Variants in MINAR2 observed in about 807,000 individuals in gnomAD.
The protein encoded by MINAR2 is major intrinsically disordered NOTCH2-binding receptor 1-like.
Under a neutral mutation model 16.1 loss-of-function variants are expected in MINAR2, and 21 were observed. The observed-to-expected ratio is 1.31, with a 90% CI of 0.93 to 1.88. MINAR2 has a LOEUF of 1.88. Among genes scored for constraint, MINAR2 ranks in the 40% most tolerant of loss-of-function variants. MINAR2 has a pLI of 0.00. For missense variants in MINAR2, 259 were observed against 229.8 expected (o/e 1.13, Z -0.82); for synonymous variants, 86 against 83.0 (o/e 1.04, Z -0.20).
intron 2 of MINAR2, chr5:129,762,532 T>C: frequency 3.1e-6 from 1 of 322,184 alleles, no homozygotes; most frequent in Non-Finnish European, 6.2e-6. Context: ...TTCTCCGTCC[T>C]AGGAAATTGC....
At chr5:129,760,685 T>A in intron 2 of MINAR2, 80 bp downstream of exon 2, 1 of 1,081,332 alleles carries the variant, frequency 9.2e-7, no homozygotes, top group Non-Finnish European at 1.3e-6. Flanking sequence ...AATATTGAAG[T>A]GACAGGTACT....
In MINAR2 at chr5:129,766,632, C is replaced by CAAAAA. The variant is rs1385603703; in HGVS notation, c.*1570_*1571insAAAAA. ...AGCCTGGGTGACAGAGTGAGACTTCCATAAAAAAAAAAAAAAAAAAAAAAC... is the reference window on the plus strand; with the variant it reads ...AGCCTGGGTGACAGAGTGAGACTTCCAAAAAATAAAAAAAAAAAAAAAAAAAAAAC... On this transcript the variant is annotated 3_prime_UTR_variant, in exon 3 of 3. Coordinates refer to ENST00000564719, the MANE Select transcript of MINAR2 (RefSeq NM_001257308.2). The CAAAAA allele has an allele frequency of 5.9e-5, 1 of 16,994 alleles. No homozygotes were observed. The highest frequency in any genetic ancestry group is 3.1e-4 in the African/African-American group (1 of 3,184). The allele number at this position is 16,994 out of a possible 1,614,324, so 1.1% of individuals were successfully genotyped here.
chr5:129,761,430 T>C (rs1293311016), intron 2 of MINAR2, among the ~76,000 whole-genome samples: 1 of 150,876 alleles, frequency 6.6e-6, no homozygotes, highest in Non-Finnish European at 1.5e-5. Flanking sequence ...ATTTTTTTCT[T>C]TTTTTTTTAA....
intron 2 of MINAR2, chr5:129,762,645 C>T (rs1581293939): frequency 1.0e-5 from 3 of 290,644 alleles, no homozygotes; most frequent in Middle Eastern, 4.4e-4. Flanking sequence ...TTATTACTTC[C>T]GTGCTTCTTT....
intron 1 of MINAR2, among the ~76,000 whole-genome samples, chr5:129,755,528 T>TA (rs1252906473): frequency 2.0e-5 from 3 of 151,594 alleles, no homozygotes; most frequent in Non-Finnish European, 4.4e-5. Context: ...TTTGTTAATT[T>TA]TTTTTTTAGT....
At chr5:129,758,731 T>C (rs931708014) in intron 1 of MINAR2, among the ~76,000 whole-genome samples, 3 of 151,956 alleles carry the variant, frequency 2.0e-5, no homozygotes, top group Admixed American at 2.0e-4. Context: ...TGATCAAAGA[T>C]GCCTAGCCTT....
chr5:129,753,753 AAGAGAGAG>A lies in MINAR2; in HGVS notation c.165+5409_165+5416del, dbSNP rs150136899. Among the ~76,000 whole-genome samples the A allele has an allele frequency of 1.9e-4, 29 of 149,186 alleles. No homozygotes were observed. The South Asian group carries it at 6.0e-3, about 31-fold the overall frequency. ...GGGCAACAGGGTGGGACTCCGTTGAAAGAGAGAGAGAGAGAGAGTGAGAGCGTCAGAGA... is the reference window on the plus strand; with the variant it reads ...GGGCAACAGGGTGGGACTCCGTTGAAAGAGAGAGAGTGAGAGCGTCAGAGA... On this transcript the variant is annotated intron_variant, in intron 1 of 2. Transcript: ENST00000564719.
intron 1 of MINAR2, among the ~76,000 whole-genome samples, chr5:129,751,375 ATTT>A (rs1004559716): frequency 6.6e-6 from 1 of 151,904 alleles, no homozygotes; most frequent in Non-Finnish European, 1.5e-5. Context: ...TGCCCAGCTA[ATTT>A]TTGTATTTTT....
intron 1 of MINAR2, among the ~76,000 whole-genome samples, chr5:129,752,064 A>G (rs1450924333): frequency 6.6e-6 from 1 of 152,224 alleles, no homozygotes; most frequent in African/African-American, 2.4e-5. Context: ...TTAAAAAGTC[A>G]GGAAGCAACA....
intron 1 of MINAR2, among the ~76,000 whole-genome samples, chr5:129,759,216 A>G (rs1412226486): frequency 6.6e-6 from 1 of 152,140 alleles, no homozygotes; most frequent in African/African-American, 2.4e-5. Flanking sequence ...TAAAATTCCT[A>G]TTAAATATTC....
chr5:129,760,566 C>G lies in MINAR2; in HGVS notation c.354C>G (p.Asp118Glu), dbSNP rs560593892. ...CCTCATGGACCATTGAGGAATATGA[C>G]AAACATTCCCTGCACACAAACCTCT... ...KNPSWTIEEY[D>E]KHSLHTNLSG... The change falls in exon 2 of 3, where the codon GAC becomes GAG. Residue 118 changes from aspartate (D) to glutamate (E), a missense_variant. Asp to Glu is a conservative substitution (Grantham distance 45). Transcript: ENST00000564719. 47 of 1,535,460 alleles carry G rather than the reference C, an allele frequency of 3.1e-5. 1 individual carries two copies. The East Asian group carries it at 1.1e-3, about 37-fold the overall frequency.
intron 1 of MINAR2, among the ~76,000 whole-genome samples, chr5:129,759,249 A>T (rs1758094032): frequency 2.0e-5 from 3 of 152,152 alleles, no homozygotes; most frequent in Admixed American, 2.0e-4. Context: ...AAAATACATG[A>T]CATACATTTA....
rs1388050191 is a variant in MINAR2 at position 129,760,496 on chromosome 5, G to C, written c.284G>C (p.Gly95Ala). The C allele has an allele frequency of 1.3e-6, 2 of 1,535,740 alleles. No individual in the cohort carries two copies. Among genetic ancestry groups the C allele is most frequent in the East Asian group, 4.9e-5 (2 of 40,906 alleles). The part of the protein sequence containing the change: ...SSVMKNNPLY[G>A]DLSLEEAMEE... ...GTTATGAAGAATAACCCACTCTATG[G>C]TGACCTAAGTTTGGAGGAAGCTATG... The change falls in exon 2 of 3, where the codon GGT (glycine) becomes GCT (alanine). Residue 95 changes from glycine to alanine, a missense_variant. By Grantham distance (60) the Gly-to-Ala change is moderately conservative. Coordinates refer to ENST00000564719, the MANE Select transcript of MINAR2 (RefSeq NM_001257308.2).
At chr5:129,755,840 T>C (rs4836472) in intron 1 of MINAR2, among the ~76,000 whole-genome samples, 143,370 of 152,092 alleles carry the variant, frequency 0.94, 67,679 homozygotes, top group East Asian at 1. Flanking sequence ...TTTATGATTT[T>C]ATTTTGACTG....
intron 1 of MINAR2, among the ~76,000 whole-genome samples, chr5:129,750,907 C>T (rs1252027517): frequency 6.6e-6 from 1 of 152,138 alleles, no homozygotes; most frequent in Non-Finnish European, 1.5e-5. Context: ...GAAATCTACA[C>T]AAACTCCAGA....
intron 1 of MINAR2, among the ~76,000 whole-genome samples, chr5:129,751,659 T>A (rs1180193179): frequency 6.6e-6 from 1 of 152,212 alleles, no homozygotes; most frequent in Non-Finnish European, 1.5e-5. Flanking sequence ...TCTCCTTAAA[T>A]TCTTTCACCA....
At chr5:129,756,471 C>T (rs1758055251) in intron 1 of MINAR2, among the ~76,000 whole-genome samples, 1 of 152,004 alleles carries the variant, frequency 6.6e-6, no homozygotes. Context: ...CTATCCTTCA[C>T]CTCCTCCCAC....
chr5:129,760,173 T>G (rs1758112531), intron 1 of MINAR2, among the ~76,000 whole-genome samples: 1 of 152,176 alleles, frequency 6.6e-6, no homozygotes. Flanking sequence ...TTAGTAAAGC[T>G]GTTCAAGATC....
intron 1 of MINAR2, among the ~76,000 whole-genome samples, chr5:129,748,660 T>C (rs991501518): frequency 6.6e-6 from 1 of 152,154 alleles, no homozygotes; most frequent in Non-Finnish European, 1.5e-5. Context: ...CTAATTGTTA[T>C]ATGCACAAAT....
Sources: gnomAD v4.1 joint callset for allele counts (sites outside exome capture counted in the v4.1 genomes callset) on GRCh38, gnomAD v4.1.1 for gene constraint, MANE v1.5 for transcripts, NCBI Gene and HGNC (gene_info 2026-07-23, HGNC 2026-07-21) for gene names.